The following PARD3 variants were observed in gnomAD, a reference collection of about 807,000 sequenced individuals.
The protein encoded by PARD3 is partitioning defective 3 homolog.
Under a neutral mutation model 155.4 loss-of-function variants are expected in PARD3, and 75 were observed. The observed-to-expected ratio is 0.48, with a 90% CI of 0.40 to 0.58. The LOEUF (loss-of-function observed/expected upper bound fraction) is 0.58. PARD3 is among the 20% of genes least tolerant of loss of function. The pLI is 0.00. For synonymous variants in PARD3, 576 were observed against 610.5 expected (o/e 0.94, Z 0.83); for missense variants, 1,642 against 1,721.7 (o/e 0.95, Z 0.82).
chr10:34,536,548 G>A (rs138128440), intron 2 of PARD3, among the ~76,000 whole-genome samples: 2 of 152,234 alleles, frequency 1.3e-5, no homozygotes, highest in African/African-American at 4.8e-5. Flanking sequence ...GATATTACAA[G>A]GAAACACTAT....
At chr10:34,221,806 A>C (rs1210462610) in intron 22 of PARD3, among the ~76,000 whole-genome samples, 1 of 152,256 alleles carries the variant, frequency 6.6e-6, no homozygotes, top group African/African-American at 2.4e-5. Context: ...GAAATGAGAT[A>C]CAAACCGCTG....
At chr10:34,117,336 C>T (rs1206620213) in intron 24 of PARD3, among the ~76,000 whole-genome samples, 1 of 152,196 alleles carries the variant, frequency 6.6e-6, no homozygotes. Context: ...GTGCCCTGGC[C>T]CACCCGTGTG....
At chr10:34,273,646 G>A (rs1212425062) in intron 21 of PARD3, among the ~76,000 whole-genome samples, 3 of 152,118 alleles carry the variant, frequency 2.0e-5, no homozygotes, top group African/African-American at 7.2e-5. Context: ...AACCACTGGG[G>A]GAAACTGGAT....
chr10:34,549,364 TAA>T lies in PARD3; in HGVS notation c.223-32207_223-32206del, dbSNP rs2084356757. Among the ~76,000 whole-genome samples the T allele has an allele frequency of 3.3e-5, 5 of 152,370 alleles. No individual in the cohort carries two copies. The South Asian group carries it at 1.0e-3, about 32-fold the overall frequency. ...CTCATAGTCCAACATTAAAAATATG[TAA>T]AAACATTCTCTTATCCATAGTCCCT... On this transcript the variant is annotated intron_variant, in intron 2 of 24. Transcript: ENST00000374788.
chr10:34,303,331 C>T (rs1957247098), intron 20 of PARD3, among the ~76,000 whole-genome samples: 1 of 151,916 alleles, frequency 6.6e-6, no homozygotes, highest in Non-Finnish European at 1.5e-5. Context: ...GTTAGAGTAC[C>T]TACTTGCAGT....
rs1243285261 is a variant in PARD3 at position 34,681,087 on chromosome 10, G to T, written c.222+15231C>A. On this transcript the variant is annotated intron_variant, in intron 2 of 24. Transcript: ENST00000374788. ...AATTTAAGGACAGCTGTATTTAACA[G>T]TGTTATACGATGCAATATTACTCAA... 2.0e-5 allele frequency among the ~76,000 whole-genome samples: 3 copies of T among 152,092 alleles called. No individual in the cohort carries two copies. In the East Asian group the frequency reaches 5.8e-4, roughly 29 times the overall value.
In PARD3 at chr10:34,461,532, G is replaced by C. The variant is rs533091146; in HGVS notation, c.582+8553C>G. 6.8e-4 allele frequency among the ~76,000 whole-genome samples: 104 copies of C among 152,262 alleles called. 1 individual carries two copies. In the South Asian group the frequency reaches 7.7e-3, roughly 11 times the overall value. On this transcript the variant is annotated intron_variant, in intron 4 of 24. Transcript: ENST00000374788. The stretch of plus-strand genomic sequence containing the variant: ...GAGGCAGGAGTTTCGCTTGAACCCA[G>C]GAGGCAGAGGTTGCAGTGAGCTGAG...
At chr10:34,745,455 A>AG (rs1835190849) in intron 1 of PARD3, among the ~76,000 whole-genome samples, 2 of 131,548 alleles carry the variant, frequency 1.5e-5, no homozygotes, top group African/African-American at 6.3e-5. Flanking sequence ...AAAGAGAGAG[A>AG]AAGAGAGAGG....
intron 22 of PARD3, among the ~76,000 whole-genome samples, chr10:34,172,307 C>T (rs646442): frequency 0.23 from 35,554 of 151,862 alleles, 4,299 homozygotes; most frequent in Middle Eastern, 0.36. Flanking sequence ...CTTTTAACTA[C>T]GGTCAGAATC....
chr10:34,473,252 A>G (rs562385101), intron 3 of PARD3, among the ~76,000 whole-genome samples: 2 of 152,282 alleles, frequency 1.3e-5, no homozygotes, highest in Non-Finnish European at 2.9e-5. Context: ...TACAGTCTGG[A>G]TCTTCTATTT....
At chr10:34,429,789 A>G (rs2075812263) in intron 5 of PARD3, among the ~76,000 whole-genome samples, 1 of 152,070 alleles carries the variant, frequency 6.6e-6, no homozygotes, top group Admixed American at 6.6e-5. Context: ...GTTTCACTAT[A>G]TTGGCCAGGT....
intron 2 of PARD3, among the ~76,000 whole-genome samples, chr10:34,517,972 G>A (rs1187610183): frequency 1.3e-5 from 2 of 152,094 alleles, no homozygotes; most frequent in Non-Finnish European, 2.9e-5. Context: ...TCCACTTCCT[G>A]GGTTCAAGTG....
intron 22 of PARD3, among the ~76,000 whole-genome samples, chr10:34,228,846 A>G (rs1315185974): frequency 6.6e-6 from 1 of 152,048 alleles, no homozygotes; most frequent in Non-Finnish European, 1.5e-5. Context: ...TCCCTTTATT[A>G]CGCACGTGTG....
intron 1 of PARD3, among the ~76,000 whole-genome samples, chr10:34,736,861 G>A (rs2094925471): frequency 6.6e-6 from 1 of 151,932 alleles, no homozygotes; most frequent in African/African-American, 2.4e-5. Flanking sequence ...ATTTTTAGTA[G>A]AAACAGGGTT....
intron 1 of PARD3, among the ~76,000 whole-genome samples, chr10:34,756,472 T>C (rs865831695): frequency 1.9e-5 from 2 of 107,578 alleles, no homozygotes; most frequent in East Asian, 2.4e-4. Flanking sequence ...TTTTTTTTTT[T>C]CTTATAAAAA....
chr10:34,691,941 C>A (rs1324988237), intron 2 of PARD3, among the ~76,000 whole-genome samples: 5 of 152,192 alleles, frequency 3.3e-5, no homozygotes, highest in Non-Finnish European at 7.3e-5. Flanking sequence ...ACATAAAAAT[C>A]AATTCAAAGG....
At chr10:34,514,359 T>C (rs1278172931) in intron 3 of PARD3, among the ~76,000 whole-genome samples, 2 of 152,204 alleles carry the variant, frequency 1.3e-5, no homozygotes, top group African/African-American at 2.4e-5. Flanking sequence ...TATAGCTCCT[T>C]GATAGCAAGC....
chr10:34,327,118 A>G (rs916001793), intron 19 of PARD3, among the ~76,000 whole-genome samples: 11 of 152,198 alleles, frequency 7.2e-5, no homozygotes, highest in African/African-American at 2.7e-4. Context: ...GTAGCAATAG[A>G]AACTGATTTA....
In PARD3 at chr10:34,346,330, G is replaced by T. The variant is rs1837421412; in HGVS notation, c.2218+1635C>A. 5.5e-6 allele frequency: 7 copies of T among 1,268,824 alleles called. No individual in the cohort carries two copies. In the Admixed American group the frequency reaches 8.1e-5, roughly 15 times the overall value. The allele number at this position is 1,268,824 out of a possible 1,614,324, so 78.6% of individuals were successfully genotyped here. A position where few individuals can be genotyped will look rare whatever the true frequency, so the allele number is the denominator to read the frequency against. ...ACTAGCTGAATTTAGGGATTTTTTTGGTTTGAGTTTTAGTTTTAGTTTTTC... is the reference window on the plus strand; with the variant it reads ...ACTAGCTGAATTTAGGGATTTTTTTTGTTTGAGTTTTAGTTTTAGTTTTTC... On this transcript the variant is annotated intron_variant, in intron 15 of 24. Coordinates refer to ENST00000374788, the MANE Select transcript of PARD3 (RefSeq NM_001184785.2).
Sources: gnomAD v4.1 joint callset for allele counts (sites outside exome capture counted in the v4.1 genomes callset) on GRCh38, gnomAD v4.1.1 for gene constraint, MANE v1.5 for transcripts, NCBI Gene and HGNC (gene_info 2026-07-23, HGNC 2026-07-21) for gene names.